Variants in GNG12 observed in about 807,000 individuals in gnomAD.
The protein encoded by GNG12 is G protein subunit gamma 12.
For synonymous variants in GNG12, 28 were observed against 29.7 expected (o/e 0.94, Z 0.19); for missense variants, 69 against 83.8 (o/e 0.82, Z 0.69).
At chr1:67,731,163 A>AC (rs1228123062) in intron 2 of GNG12, among the ~76,000 whole-genome samples, 1 of 151,440 alleles carries the variant, frequency 6.6e-6, no homozygotes, top group East Asian at 1.9e-4. Context: ...TTGAGATTCT[A>AC]CCCATGCTTC....
intron 1 of GNG12, among the ~76,000 whole-genome samples, chr1:67,810,063 T>C (rs1444484693): frequency 1.3e-5 from 2 of 152,110 alleles, no homozygotes; most frequent in African/African-American, 4.8e-5. Flanking sequence ...GATACATCCA[T>C]ACAATAGAAT....
chr1:67,785,763 T>A (rs1646764353), intron 1 of GNG12, among the ~76,000 whole-genome samples: 1 of 152,244 alleles, frequency 6.6e-6, no homozygotes, highest in South Asian at 2.1e-4. Context: ...TCTAATGCAT[T>A]CTTAGGCTGG....
chr1:67,771,793 A>G (rs1421486298), intron 2 of GNG12, among the ~76,000 whole-genome samples: 1 of 152,226 alleles, frequency 6.6e-6, no homozygotes, highest in Non-Finnish European at 1.5e-5. Flanking sequence ...CAGAATTATA[A>G]TCATGTGTAT....
chr1:67,730,482 T>C (rs1570493450), intron 2 of GNG12, among the ~76,000 whole-genome samples: 3 of 151,868 alleles, frequency 2.0e-5, no homozygotes, highest in Admixed American at 2.0e-4. Flanking sequence ...TCCAGCCTGG[T>C]CAACAGAGCA....
chr1:67,752,146 C>A (rs977618746), intron 2 of GNG12, among the ~76,000 whole-genome samples: 9 of 152,158 alleles, frequency 5.9e-5, no homozygotes, highest in African/African-American at 9.7e-5. Context: ...GTTAGCAGGC[C>A]TTTTCTTTGA....
chr1:67,738,618 C>T (rs1437828888), intron 2 of GNG12, among the ~76,000 whole-genome samples: 1 of 152,140 alleles, frequency 6.6e-6, no homozygotes, highest in Non-Finnish European at 1.5e-5. Context: ...CATGGTAGCT[C>T]ACACCCACAA....
At chr1:67,795,687 G>T (rs1570555687) in intron 1 of GNG12, among the ~76,000 whole-genome samples, 1 of 152,156 alleles carries the variant, frequency 6.6e-6, no homozygotes, top group African/African-American at 2.4e-5. Flanking sequence ...GTTCTCATCT[G>T]TGAAACGCTG....
intron 2 of GNG12, among the ~76,000 whole-genome samples, chr1:67,734,778 C>T (rs1646442516): frequency 6.6e-6 from 1 of 152,234 alleles, no homozygotes; most frequent in South Asian, 2.1e-4. Flanking sequence ...AGGCACACTA[C>T]AGGGTCTGGC....
rs184826554 is a variant in GNG12, at chr1:67,740,057, G to A, written c.-26-32345C>T. ...ATGGATAAATTACGGCACGCCAGCTGGATAAATATACCACTGAAGGCATGA... is the reference window on the plus strand; with the variant it reads ...ATGGATAAATTACGGCACGCCAGCTAGATAAATATACCACTGAAGGCATGA... On this transcript the variant is annotated intron_variant, in intron 2 of 3. Coordinates refer to ENST00000370982, the MANE Select transcript of GNG12 (RefSeq NM_018841.6). 1.5e-4 allele frequency among the ~76,000 whole-genome samples: 23 copies of A among 152,200 alleles called. No homozygotes were observed. The East Asian group carries it at 3.9e-3, about 26-fold the overall frequency.
chr1:67,761,229 T>C lies in GNG12; in HGVS notation c.-27+16229A>G, dbSNP rs112986543. The stretch of plus-strand genomic sequence containing the variant: ...TTTATGAATAACAGCTGGAAGTTAT[T>C]GAATGCTTACTCTGTGCCACGCCCT... On this transcript the variant is annotated intron_variant, in intron 2 of 3. Coordinates refer to ENST00000370982, the MANE Select transcript of GNG12 (RefSeq NM_018841.6). Among the ~76,000 whole-genome samples the C allele has an allele frequency of 1.3e-3, 200 of 152,336 alleles. 1 individual carries two copies. The highest frequency in any genetic ancestry group is 4.6e-3 in the African/African-American group (193 of 41,578).
At chr1:67,763,118 A>AGAGAGAGAGAGAGAGAGAGAGAGAGAGG (rs1279246951) in intron 2 of GNG12, among the ~76,000 whole-genome samples, 9 of 151,696 alleles carry the variant, frequency 5.9e-5, no homozygotes, top group African/African-American at 1.2e-4. Context: ...AGAGAGAGAG[A>AGAGAGAGAGAGAGAGAGAGAGAGAGAGG]GAATCAATAT....
intron 2 of GNG12, among the ~76,000 whole-genome samples, chr1:67,714,972 G>A (rs997981512): frequency 1.3e-5 from 2 of 152,176 alleles, no homozygotes; most frequent in African/African-American, 4.8e-5. Context: ...GCCCAGGCTG[G>A]AGTGCAGTGG....
chr1:67,809,177 C>G (rs1646909524), intron 1 of GNG12, among the ~76,000 whole-genome samples: 1 of 152,078 alleles, frequency 6.6e-6, no homozygotes, highest in South Asian at 2.1e-4. Context: ...TACAGTGGAG[C>G]AAAAATAGTA....
intron 1 of GNG12, among the ~76,000 whole-genome samples, chr1:67,788,883 G>C (rs963305751): frequency 2.6e-5 from 4 of 152,184 alleles, no homozygotes; most frequent in Non-Finnish European, 5.9e-5. Flanking sequence ...ATATCTGACA[G>C]GCAGAGAGTG....
chr1:67,818,985 T>C (rs1042407072), intron 1 of GNG12, among the ~76,000 whole-genome samples: 2 of 152,036 alleles, frequency 1.3e-5, no homozygotes, highest in African/African-American at 4.8e-5. Flanking sequence ...TCATAGACAA[T>C]TTTCTATTGT....
At chr1:67,830,980 A>G (rs1647041168) in intron 1 of GNG12, among the ~76,000 whole-genome samples, 1 of 152,224 alleles carries the variant, frequency 6.6e-6, no homozygotes, top group Non-Finnish European at 1.5e-5. Flanking sequence ...TACTTTCTGT[A>G]AAGCCCTACA....
intron 2 of GNG12, among the ~76,000 whole-genome samples, chr1:67,727,728 T>C (rs1455386195): frequency 1.3e-5 from 2 of 152,210 alleles, no homozygotes; most frequent in African/African-American, 2.4e-5. Flanking sequence ...CCTGCTATAA[T>C]AATAATGCCA....
chr1:67,774,910 T>C (rs953807201), intron 2 of GNG12, among the ~76,000 whole-genome samples: 2 of 152,202 alleles, frequency 1.3e-5, no homozygotes, highest in Non-Finnish European at 2.9e-5. Context: ...ACAAAAGCAA[T>C]TGAAAAGGAG....
chr1:67,791,686 C>G (rs967603130), intron 1 of GNG12, among the ~76,000 whole-genome samples: 1 of 152,176 alleles, frequency 6.6e-6, no homozygotes, highest in African/African-American at 2.4e-5. Context: ...GGCATCTCCT[C>G]TGCTCCCATC....
Sources: gnomAD v4.1 joint callset for allele counts (sites outside exome capture counted in the v4.1 genomes callset) on GRCh38, gnomAD v4.1.1 for gene constraint, MANE v1.5 for transcripts, NCBI Gene and HGNC (gene_info 2026-07-23, HGNC 2026-07-21) for gene names.